The following PLPPR1 variants were observed in gnomAD, a reference collection of about 807,000 sequenced individuals.
PLPPR1 encodes the protein phospholipid phosphatase-related protein type 1.
A neutral mutation model predicts 33.1 loss-of-function variants in PLPPR1; 10 were observed. The observed-to-expected ratio is 0.30, with a 90% CI of 0.19 to 0.51. The LOEUF is 0.51. PLPPR1 is among the 20% of genes least tolerant of loss of function. The pLI is 0.97. For missense variants in PLPPR1, 304 were observed against 408.1 expected, an observed-to-expected ratio of 0.74 and a Z score of 2.20; for synonymous variants, 151 against 151.0, an observed-to-expected ratio of 1.00 and a Z score of 0.00.
intron 1 of PLPPR1, among the ~76,000 whole-genome samples, chr9:101,035,880 C>T (rs1830004527): frequency 6.6e-6 from 1 of 152,146 alleles, no homozygotes; most frequent in Admixed American, 6.5e-5. Context: ...ACTGCAGCAA[C>T]TTACCTGAGG....
chr9:101,183,691 TTGTGTGTGTGTGTGTGTGTG>T (rs66895172), intron 1 of PLPPR1, among the ~76,000 whole-genome samples: 23 of 150,100 alleles, frequency 1.5e-4, no homozygotes, highest in Non-Finnish European at 2.2e-4. Context: ...TCCCGTCTCT[TTGTGTGTGTGTGTGTGTGTG>T]TGTGTGTGTG....
At chr9:101,295,541 A>G (rs1353468632) in intron 4 of PLPPR1, among the ~76,000 whole-genome samples, 1 of 152,012 alleles carries the variant, frequency 6.6e-6, no homozygotes, top group African/African-American at 2.4e-5. Flanking sequence ...ACACTACCTG[A>G]CTTCAAACTA....
chr9:101,109,142 T>G (rs1301516535), intron 1 of PLPPR1, among the ~76,000 whole-genome samples: 1 of 147,444 alleles, frequency 6.8e-6, no homozygotes, highest in Non-Finnish European at 1.5e-5. Context: ...GTATTTTTTT[T>G]TTTTTTTTTT....
At chr9:101,315,341 A>C (rs978794127) in intron 6 of PLPPR1, among the ~76,000 whole-genome samples, 2 of 152,182 alleles carry the variant, frequency 1.3e-5, no homozygotes, top group African/African-American at 4.8e-5. Context: ...TCAATGGTGT[A>C]TAAATAGACT....
intron 2 of PLPPR1, among the ~76,000 whole-genome samples, chr9:101,192,636 AAAC>A (rs1310968348): frequency 6.6e-6 from 1 of 152,136 alleles, no homozygotes; most frequent in Non-Finnish European, 1.5e-5. Context: ...ACCCAATATA[AAAC>A]AACAAATTTG....
intron 1 of PLPPR1, among the ~76,000 whole-genome samples, chr9:101,173,676 T>C (rs1825978706): frequency 1.3e-5 from 2 of 152,160 alleles, no homozygotes; most frequent in African/African-American, 4.8e-5. Context: ...AGCTCAAAAA[T>C]TCTCATCCTA....
chr9:101,069,632 G>A (rs1317197372), intron 1 of PLPPR1, among the ~76,000 whole-genome samples: 4 of 152,128 alleles, frequency 2.6e-5, no homozygotes, highest in African/African-American at 7.2e-5. Context: ...GATCTGGGTG[G>A]AGTATTGTTG....
At chr9:101,166,042 C>T (rs1825854039) in intron 1 of PLPPR1, among the ~76,000 whole-genome samples, 1 of 152,140 alleles carries the variant, frequency 6.6e-6, no homozygotes, top group Non-Finnish European at 1.5e-5. Flanking sequence ...AAGTTTTCTT[C>T]CTTAAAACCT....
chr9:101,156,678 A>T (rs1022431643), intron 1 of PLPPR1, among the ~76,000 whole-genome samples: 2 of 77,980 alleles, frequency 2.6e-5, no homozygotes, highest in Non-Finnish European at 6.0e-5. Context: ...AAAAAATATG[A>T]GACATAATAA....
chr9:101,158,203 A>G (rs1404778477), intron 1 of PLPPR1, among the ~76,000 whole-genome samples: 1 of 152,160 alleles, frequency 6.6e-6, no homozygotes, highest in Non-Finnish European at 1.5e-5. Flanking sequence ...CCAGATTGCA[A>G]TTAGTAAAGA....
chr9:101,082,578 A>C (rs1272661194), intron 1 of PLPPR1, among the ~76,000 whole-genome samples: 1 of 152,190 alleles, frequency 6.6e-6, no homozygotes, highest in African/African-American at 2.4e-5. Context: ...TTAACTGCAA[A>C]GTCAAGCTCG....
intron 1 of PLPPR1, among the ~76,000 whole-genome samples, chr9:101,165,247 T>C (rs1453376250): frequency 6.6e-6 from 1 of 152,146 alleles, no homozygotes; most frequent in East Asian, 1.9e-4. Context: ...TAAGAGATGG[T>C]GATTTTCTCA....
intron 3 of PLPPR1, among the ~76,000 whole-genome samples, chr9:101,270,694 A>G (rs1828081319): frequency 6.6e-6 from 1 of 152,234 alleles, no homozygotes; most frequent in African/African-American, 2.4e-5. Flanking sequence ...AGATTGCTTA[A>G]CAGCATAAAG....
chr9:101,269,713 A>T (rs1236584770), intron 2 of PLPPR1, 167 bp from the exon 3 acceptor site: 2 of 646,344 alleles, frequency 3.1e-6, no homozygotes, highest in African/African-American at 3.6e-5. Flanking sequence ...TACAAGGCAG[A>T]CAAGCAAGCA....
chr9:101,242,083 C>T (rs1271065096), intron 2 of PLPPR1, among the ~76,000 whole-genome samples: 2 of 152,014 alleles, frequency 1.3e-5, no homozygotes, highest in Non-Finnish European at 2.9e-5. Context: ...GCAGTTGAAG[C>T]TGCCTGTTAG....
At chr9:101,039,718 G>A (rs943855589) in intron 1 of PLPPR1, among the ~76,000 whole-genome samples, 3 of 152,062 alleles carry the variant, frequency 2.0e-5, no homozygotes, top group African/African-American at 7.2e-5. Context: ...GGCAGGAAAA[G>A]AGAGCTTATA....
chr9:101,260,527 G>A (rs1287821990), intron 2 of PLPPR1, among the ~76,000 whole-genome samples: 1 of 152,132 alleles, frequency 6.6e-6, no homozygotes, highest in African/African-American at 2.4e-5. Context: ...GAAAGCTAGG[G>A]GAAGGAGGAG....
intron 1 of PLPPR1, among the ~76,000 whole-genome samples, chr9:101,090,922 G>A (rs80091014): frequency 0.027 from 4,027 of 151,212 alleles, 128 homozygotes; most frequent in African/African-American, 0.077. Context: ...CTTCATGGTT[G>A]TGTGCTAGGT....
At chr9:101,108,737 C>T (rs982717888) in intron 1 of PLPPR1, among the ~76,000 whole-genome samples, 15 of 152,188 alleles carry the variant, frequency 9.9e-5, no homozygotes, top group Non-Finnish European at 2.2e-4. Context: ...TAAATTAACT[C>T]CAAACAATTA....
Sources: allele counts gnomAD v4.1 joint callset (sites outside exome capture counted in the v4.1 genomes callset), GRCh38; gene constraint gnomAD v4.1.1; transcripts MANE v1.5; gene names NCBI Gene and HGNC (gene_info 2026-07-23, HGNC 2026-07-21).